CRTC3: variants seen among roughly 807,000 people sequenced by gnomAD.
CRTC3 encodes the protein CREB regulated transcription coactivator 3.
In CRTC3, 26 loss-of-function variants were observed where a neutral mutation model predicts 74.5. That is an observed-to-expected ratio of 0.35 (90% CI 0.26 to 0.48). CRTC3 has a LOEUF of 0.48. Among genes scored for constraint, CRTC3 ranks in the 20% least tolerant of loss-of-function variants. The pLI is 0.99. For missense variants in CRTC3, 760 were observed against 787.3 expected (o/e 0.97, Z 0.41); for synonymous variants, 377 against 325.8 (o/e 1.16, Z -1.69).
chr15:90,630,756 A>ATT lies in CRTC3; in HGVS notation c.1266+1255_1266+1256dup, dbSNP rs1175467073. On this transcript the variant is annotated intron_variant, in intron 11 of 14. Transcript: ENST00000268184. The stretch of plus-strand genomic sequence containing the variant: ...CACATCCTCTGTCTATTACAGCATC[A>ATT]TTTTTTTTTTTTTTTTTTTTTTTTT... 2.5e-3 allele frequency among the ~76,000 whole-genome samples: 60 copies of ATT among 23,652 alleles called. 10 individuals carry two copies. Among genetic ancestry groups the ATT allele is most frequent in the Non-Finnish European group, 3.5e-3 (30 of 8,632 alleles). The allele number at this position is 23,652 out of a possible 152,430, so 15.5% of individuals were successfully genotyped here.
intron 3 of CRTC3, among the ~76,000 whole-genome samples, chr15:90,597,398 CAA>C (rs1464820093): frequency 6.6e-6 from 1 of 152,208 alleles, no homozygotes; most frequent in African/African-American, 2.4e-5. Context: ...GAAAGGAAGT[CAA>C]GAGTTCACCA....
chr15:90,584,347 C>T (rs2151074507), intron 2 of CRTC3, among the ~76,000 whole-genome samples: 1 of 152,078 alleles, frequency 6.6e-6, no homozygotes, highest in East Asian at 1.9e-4. Context: ...AAACAATTCT[C>T]CTGCCTCAGC....
chr15:90,641,204 G>C lies in CRTC3; in HGVS notation c.1651+5G>C, dbSNP rs749259963. On this transcript the variant is annotated splice_donor_5th_base_variant and intron_variant, in intron 14 of 14. Coordinates refer to ENST00000268184, the MANE Select transcript of CRTC3 (RefSeq NM_022769.5). ...TCCCGAACACCATCCTGCCAGGTGAGCGAGCTATCCCTCAGCTTCTTTACT... is the reference window on the plus strand; with the variant it reads ...TCCCGAACACCATCCTGCCAGGTGACCGAGCTATCCCTCAGCTTCTTTACT... The C allele has an allele frequency of 5.7e-6, 9 of 1,590,418 alleles. No individual in the cohort carries two copies. Among genetic ancestry groups the C allele is most frequent in the Admixed American group, 1.7e-5 (1 of 59,948 alleles).
At chr15:90,540,345 A>G (rs1966783034) in intron 2 of CRTC3, among the ~76,000 whole-genome samples, 1 of 152,278 alleles carries the variant, frequency 6.6e-6, no homozygotes, top group African/African-American at 2.4e-5. Flanking sequence ...ACTGGCAAGT[A>G]GAATTATAAC....
intron 13 of CRTC3, among the ~76,000 whole-genome samples, chr15:90,639,258 T>TGGGGAGTGA (rs1969353210): frequency 6.6e-6 from 1 of 152,080 alleles, no homozygotes; most frequent in African/African-American, 2.4e-5. Flanking sequence ...AGCTCAGTCC[T>TGGGGAGTGA]GGGGAGTGAG....
At chr15:90,603,980 C>T (rs1250686298) in intron 4 of CRTC3, among the ~76,000 whole-genome samples, 1 of 152,104 alleles carries the variant, frequency 6.6e-6, no homozygotes, top group Non-Finnish European at 1.5e-5. Context: ...TTCAGAGCAC[C>T]AGGACTGGTT....
Position 90,625,840 on chromosome 15 carries a change from G to A in CRTC3, c.814G>A (p.Gly272Arg), listed in dbSNP as rs1968814468. Residue 272 changes from glycine (G) to arginine (R), a missense_variant, in exon 10 of 15, where the codon GGG becomes AGG. Gly to Arg is a moderately radical substitution (Grantham distance 125). This residue lies in a region of CRTC3 where 652 missense variants were observed against 635.2 expected (regional missense o/e 1.03). Coordinates refer to ENST00000268184, the MANE Select transcript of CRTC3 (RefSeq NM_022769.5). ...CTTCTTGGGGACCTTGAACACTGGA[G>A]GGTCATTGCCAGATCTAACCAACCT... ...SPFLGTLNTGGSLPDLTNLHY... is the reference protein window; with the variant it reads ...SPFLGTLNTGRSLPDLTNLHY... The A allele has an allele frequency of 1.9e-6, 3 of 1,614,208 alleles. No homozygotes were observed. Among genetic ancestry groups the A allele is most frequent in the East Asian group, 2.2e-5 (1 of 44,892 alleles).
At position 90,625,767 on chromosome 15, in the gene CRTC3, T is replaced by G; in HGVS notation, c.750-9T>G. On this transcript the variant is annotated splice_polypyrimidine_tract_variant and intron_variant, in intron 9 of 14. Coordinates refer to ENST00000268184, the MANE Select transcript of CRTC3 (RefSeq NM_022769.5). ...TGTAGAAAGTCATTCTTAATCTTTC[T>G]TTTTTCAGTGCTTTTCCACATAATG... 6.2e-7 allele frequency: 1 copy of G among 1,611,560 alleles called. No homozygotes were observed. Among genetic ancestry groups the G allele is most frequent in the South Asian group, 1.1e-5 (1 of 91,024 alleles).
rs184453330 is a variant in CRTC3 at position 90,609,400 on chromosome 15, A to G, written c.577+1922A>G. Among the ~76,000 whole-genome samples the G allele has an allele frequency of 5.3e-5, 8 of 152,296 alleles. No homozygotes were observed. In the East Asian group the frequency reaches 1.5e-3, roughly 29 times the overall value. ...TGGGAATATGTAAACAAAGCCTAAA[A>G]AAAGCAGAGGCTGTAATCAGTGGGG... On this transcript the variant is annotated intron_variant, in intron 6 of 14. Coordinates refer to ENST00000268184, the MANE Select transcript of CRTC3 (RefSeq NM_022769.5).
intron 2 of CRTC3, among the ~76,000 whole-genome samples, chr15:90,584,082 C>T (rs12438950): frequency 0.12 from 18,141 of 151,974 alleles, 1,334 homozygotes; most frequent in African/African-American, 0.21. Flanking sequence ...AAGAGAGGCA[C>T]AGTTGTTCCT....
intron 11 of CRTC3, among the ~76,000 whole-genome samples, chr15:90,632,226 T>G (rs1351936066): frequency 6.6e-6 from 1 of 152,214 alleles, no homozygotes; most frequent in Non-Finnish European, 1.5e-5. Flanking sequence ...GCTTTTTAGC[T>G]ACATTTTAAG....
rs1966896771 is a variant in CRTC3 at position 90,556,697 on chromosome 15, A to G, written c.231+16560A>G. Among the ~76,000 whole-genome samples the G allele has an allele frequency of 4.6e-5, 7 of 152,142 alleles. No individual in the cohort carries two copies. The South Asian group carries it at 1.4e-3, about 31-fold the overall frequency. On this transcript the variant is annotated intron_variant, in intron 2 of 14. Coordinates refer to ENST00000268184, the MANE Select transcript of CRTC3 (RefSeq NM_022769.5). Reference sequence around the variant, plus strand: ...TTGAAAATGGACAGCTTTTGTGAAAATCAAAAGGGCCATTAATTTATGGTA... The same window carrying G: ...TTGAAAATGGACAGCTTTTGTGAAAGTCAAAAGGGCCATTAATTTATGGTA...
intron 2 of CRTC3, among the ~76,000 whole-genome samples, chr15:90,540,603 T>C (rs1488899721): frequency 1.3e-5 from 2 of 151,922 alleles, no homozygotes; most frequent in East Asian, 3.9e-4. Context: ...TGAAACCCCA[T>C]CTCTACTAAA....
intron 2 of CRTC3, among the ~76,000 whole-genome samples, chr15:90,568,980 AG>A (rs1278326150): frequency 7.1e-6 from 1 of 141,564 alleles, no homozygotes; most frequent in Non-Finnish European, 1.5e-5. Context: ...GGTGTAAACA[AG>A]TATAACGAAA....
chr15:90,564,528 G>A (rs921545211), intron 2 of CRTC3, among the ~76,000 whole-genome samples: 8 of 151,754 alleles, frequency 5.3e-5, no homozygotes, highest in African/African-American at 1.7e-4. Context: ...TATCATCCCC[G>A]CCATCCAGTA....
At chr15:90,625,126 T>C (rs1038668156) in intron 9 of CRTC3, 6 of 153,110 alleles carry the variant, frequency 3.9e-5, no homozygotes, top group African/African-American at 1.2e-4. Context: ...ATTTGATTTA[T>C]AACTTTTAAA....
In CRTC3 at chr15:90,601,444, G is replaced by A. The variant is rs1596114483; in HGVS notation, c.352-880G>A. Among the ~76,000 whole-genome samples, 3 of 152,160 alleles carry A rather than the reference G, an allele frequency of 2.0e-5. No individual in the cohort carries two copies. The East Asian group carries it at 5.8e-4, about 29-fold the overall frequency. On this transcript the variant is annotated intron_variant, in intron 3 of 14. Transcript: ENST00000268184. The stretch of plus-strand genomic sequence containing the variant: ...GTGGGTGGATCACCTGAGGTCAGGA[G>A]TTCAAGACCAGCCTGGCCAACGTGG...
At chr15:90,598,626 G>C (rs1967991366) in intron 3 of CRTC3, 1 of 670,810 alleles carries the variant, frequency 1.5e-6, no homozygotes, top group African/African-American at 1.8e-5. Flanking sequence ...TGGACTATAA[G>C]AAGAGGAACA....
intron 2 of CRTC3, among the ~76,000 whole-genome samples, chr15:90,550,724 A>G (rs1321893792): frequency 1.3e-5 from 2 of 151,942 alleles, no homozygotes; most frequent in African/African-American, 4.8e-5. Context: ...AATATAAAGT[A>G]GCATATAGGT....
Sources: gnomAD v4.1 joint callset for allele counts (sites outside exome capture counted in the v4.1 genomes callset) on GRCh38, gnomAD v4.1.1 for gene constraint, gnomAD v4.1.1 regional missense constraint, MANE v1.5 for transcripts, NCBI Gene and HGNC (gene_info 2026-07-23, HGNC 2026-07-21) for gene names.